The following BPIFC variants were observed in gnomAD, a reference collection of about 807,000 sequenced individuals.
BPIFC encodes the protein BPI fold-containing family C protein.
In BPIFC, 60 loss-of-function variants were observed where a neutral mutation model predicts 57.6. The ratio of observed to expected loss-of-function variants is 1.04; its 90% CI spans 0.85 to 1.29. The LOEUF is 1.29. Among genes scored for constraint, BPIFC ranks in the 50% most tolerant of loss-of-function variants. BPIFC has a pLI of 0.00. For synonymous variants in BPIFC, 243 were observed against 224.5 expected, an observed-to-expected ratio of 1.08 and a Z score of -0.74; for missense variants, 581 against 600.5, an observed-to-expected ratio of 0.97 and a Z score of 0.34.
At chr22:32,436,682 A>G (rs1934412296) in intron 9 of BPIFC, among the ~76,000 whole-genome samples, 1 of 152,210 alleles carries the variant, frequency 6.6e-6, no homozygotes, top group African/African-American at 2.4e-5. Flanking sequence ...TTTAGCTGGA[A>G]GGACAACTCT....
intron 13 of BPIFC, 113 bp from the exon 14 acceptor site, chr22:32,419,517 C>T: frequency 9.0e-7 from 1 of 1,117,292 alleles, no homozygotes; most frequent in Non-Finnish European, 1.3e-6. Flanking sequence ...AAAAAAAACA[C>T]ACAAGGCTGG....
intron 8 of BPIFC, among the ~76,000 whole-genome samples, chr22:32,441,229 T>G (rs1030879041): frequency 1.3e-5 from 2 of 152,154 alleles, no homozygotes; most frequent in Non-Finnish European, 2.9e-5. Flanking sequence ...TCTACTCCCT[T>G]TGGGTTTTTC....
intron 13 of BPIFC, among the ~76,000 whole-genome samples, chr22:32,431,023 A>C (rs914726343): frequency 6.6e-6 from 1 of 152,158 alleles, no homozygotes; most frequent in Non-Finnish European, 1.5e-5. Context: ...AAAGCTTGAC[A>C]GTACCATTTT....
At chr22:32,444,949 T>G (rs1426175900) in intron 7 of BPIFC, among the ~76,000 whole-genome samples, 1 of 152,216 alleles carries the variant, frequency 6.6e-6, no homozygotes. Flanking sequence ...AATACACAAG[T>G]GTATCCCTCT....
chr22:32,433,603 C>A, intron 11 of BPIFC, 116 bp downstream of exon 11: 1 of 859,786 alleles, frequency 1.2e-6, no homozygotes. Flanking sequence ...AGAAAAAACT[C>A]CCAATAATAG....
intron 3 of BPIFC, among the ~76,000 whole-genome samples, chr22:32,455,381 T>C (rs1935011964): frequency 6.6e-6 from 1 of 152,182 alleles, no homozygotes; most frequent in Admixed American, 6.5e-5. Context: ...CAGATATTAC[T>C]AATAACAGAC....
At chr22:32,442,531 A>C (rs1934593272) in intron 8 of BPIFC, 140 bp downstream of exon 8, 1 of 785,992 alleles carries the variant, frequency 1.3e-6, no homozygotes, top group Admixed American at 2.5e-5. Context: ...CCTCCCAAGC[A>C]CCTTCCCGGG....
chr22:32,415,088 G>C (rs1412861078), intron 16 of BPIFC, among the ~76,000 whole-genome samples: 2 of 152,252 alleles, frequency 1.3e-5, no homozygotes, highest in Non-Finnish European at 2.9e-5. Context: ...TTCCACCTCA[G>C]ATCATCAGGC....
In BPIFC at chr22:32,423,577, G is replaced by GTGTGTGTGTGT. The variant is rs1933908386; in HGVS notation, c.1218-4174_1218-4173insACACACACACA. ...TGCTTGGGAGGAGTTGTAGGGTGTGGGTGTGTGTGTGTGTGTGTGTGTGTG... is the reference window on the plus strand; with the variant it reads ...TGCTTGGGAGGAGTTGTAGGGTGTGGTGTGTGTGTGTGTGTGTGTGTGTGTGTGTGTGTGTG... On this transcript the variant is annotated intron_variant, in intron 13 of 16. Coordinates refer to ENST00000300399, the MANE Select transcript of BPIFC (RefSeq NM_174932.3). Among the ~76,000 whole-genome samples, 1,045 of 143,240 alleles carry GTGTGTGTGTGT rather than the reference G, an allele frequency of 7.3e-3. 8 individuals carry two copies. Among genetic ancestry groups the GTGTGTGTGTGT allele is most frequent in the Admixed American group, 9.0e-3 (129 of 14,388 alleles). 94.0% of individuals were successfully genotyped at this position (143,240 alleles called of 152,430 possible).
intron 7 of BPIFC, among the ~76,000 whole-genome samples, chr22:32,443,025 G>A (rs1156325541): frequency 3.3e-5 from 5 of 152,162 alleles, no homozygotes; most frequent in Non-Finnish European, 7.3e-5. Flanking sequence ...TAGGGCATGC[G>A]TCCCAGTCCA....
At chr22:32,445,731 A>AAT (rs1555879489) in intron 6 of BPIFC, 33 bp from the exon 7 acceptor site, 13 of 1,532,430 alleles carry the variant, frequency 8.5e-6, no homozygotes, top group South Asian at 3.7e-5. Context: ...AAAAAAAAAA[A>AAT]AAAAGAGGTT....
chr22:32,419,531 T>C, intron 13 of BPIFC, 127 bp from the exon 14 acceptor site: 1 of 951,586 alleles, frequency 1.1e-6, no homozygotes, highest in Non-Finnish European at 1.6e-6. Context: ...AGGCTGGGCA[T>C]GGTGGCCCAC....
At chr22:32,458,337 G>T (rs1020356772) in intron 2 of BPIFC, among the ~76,000 whole-genome samples, 8 of 152,152 alleles carry the variant, frequency 5.3e-5, no homozygotes, top group Non-Finnish European at 1.2e-4. Context: ...CTTCCTCAAA[G>T]AACCCGGTCT....
At chr22:32,456,523 T>A (rs1033666002) in intron 3 of BPIFC, among the ~76,000 whole-genome samples, 1 of 151,808 alleles carries the variant, frequency 6.6e-6, no homozygotes, top group Non-Finnish European at 1.5e-5. Context: ...TAGTTAGGCT[T>A]AGTTAGGTAT....
intron 13 of BPIFC, among the ~76,000 whole-genome samples, chr22:32,428,758 G>A (rs112183033): frequency 2.6e-5 from 4 of 152,140 alleles, no homozygotes; most frequent in African/African-American, 7.2e-5. Flanking sequence ...AATTAGCCAG[G>A]TGTGGTGGCA....
At chr22:32,443,046 C>T (rs1934609366) in intron 7 of BPIFC, among the ~76,000 whole-genome samples, 1 of 152,032 alleles carries the variant, frequency 6.6e-6, no homozygotes, top group African/African-American at 2.4e-5. Context: ...TGCTGTTATA[C>T]CCGAGGAACC....
rs753899986 is a variant in BPIFC, at chr22:32,453,449, G to T, written c.179C>A (p.Pro60Gln). ...IEQMLKEKKL[P>Q]DLSGSESLEF... ...AAGAGACTCAGAACCGCTTAAATCTGGGAGTTTCTTTTCTTTTAGCATTTG... is the reference window on the plus strand; with the variant it reads ...AAGAGACTCAGAACCGCTTAAATCTTGGAGTTTCTTTTCTTTTAGCATTTG... Residue 60 changes from proline (P) to glutamine (Q), a missense_variant, in exon 4 of 17, where the codon CCA (proline) becomes CAA (glutamine). Coordinates refer to ENST00000300399, the MANE Select transcript of BPIFC (RefSeq NM_174932.3). The T allele has an allele frequency of 6.2e-7, 1 of 1,605,686 alleles. No individual in the cohort carries two copies. Among genetic ancestry groups the T allele is most frequent in the Non-Finnish European group, 8.5e-7 (1 of 1,177,828 alleles).
intron 14 of BPIFC, among the ~76,000 whole-genome samples, chr22:32,417,944 C>G (rs937330107): frequency 2.6e-5 from 4 of 151,972 alleles, no homozygotes; most frequent in African/African-American, 9.7e-5. Context: ...GTCTTTATCA[C>G]CATTGTGAAA....
chr22:32,422,010 GC>G (rs1933860737), intron 13 of BPIFC, among the ~76,000 whole-genome samples: 2 of 151,996 alleles, frequency 1.3e-5, no homozygotes, highest in African/African-American at 4.8e-5. Flanking sequence ...GGTTGCAAAA[GC>G]CCCACGGAGG....
Sources: allele counts gnomAD v4.1 joint callset (sites outside exome capture counted in the v4.1 genomes callset), GRCh38; gene constraint gnomAD v4.1.1; transcripts MANE v1.5; gene names NCBI Gene and HGNC (gene_info 2026-07-23, HGNC 2026-07-21).